USP44: variants seen among roughly 807,000 people sequenced by gnomAD.
USP44 encodes the protein ubiquitin carboxyl-terminal hydrolase 44.
A neutral mutation model predicts 69.0 loss-of-function variants in USP44; 61 were observed. The ratio of observed to expected loss-of-function variants is 0.88; its 90% CI spans 0.72 to 1.09. The LOEUF (loss-of-function observed/expected upper bound fraction) is 1.09, where lower values mean the gene tolerates loss of function less well. USP44 is among the 50% of genes least tolerant of loss of function. The pLI is 0.00. For synonymous variants in USP44, 297 were observed against 295.4 expected (o/e 1.01, Z -0.06); for missense variants, 753 against 849.9 (o/e 0.89, Z 1.42).
intron 1 of USP44, among the ~76,000 whole-genome samples, chr12:95,549,710 T>C (rs2077688001): frequency 6.6e-6 from 1 of 152,204 alleles, no homozygotes; most frequent in African/African-American, 2.4e-5. Flanking sequence ...TAAGACAAGG[T>C]ATAAAATTGT....
chr12:95,531,926 G>A (rs75135860), intron 2 of USP44, among the ~76,000 whole-genome samples: 2,411 of 152,188 alleles, frequency 0.016, 63 homozygotes, highest in African/African-American at 0.055. Flanking sequence ...CCTTTACTTC[G>A]AAGATTCTGG....
chr12:95,529,182 G>T (rs2076943934), intron 2 of USP44, among the ~76,000 whole-genome samples, 180 bp from the exon 3 acceptor site: 1 of 152,032 alleles, frequency 6.6e-6, no homozygotes, highest in Non-Finnish European at 1.5e-5. Flanking sequence ...CCTTCCAAAA[G>T]ATTGTTATCA....
At chr12:95,522,901 G>A (rs537581882) in intron 4 of USP44, among the ~76,000 whole-genome samples, 1 of 152,178 alleles carries the variant, frequency 6.6e-6, no homozygotes, top group East Asian at 1.9e-4. Flanking sequence ...ATGACTAGAG[G>A]ATTGGGACTT....
chr12:95,529,202 T>C (rs562405064), intron 2 of USP44, among the ~76,000 whole-genome samples, 200 bp from the exon 3 acceptor site: 1 of 152,202 alleles, frequency 6.6e-6, no homozygotes, highest in Non-Finnish European at 1.5e-5. Flanking sequence ...AGAGCCATCA[T>C]GAATTGGTTG....
chr12:95,530,797 T>G (rs1037102797), intron 2 of USP44, among the ~76,000 whole-genome samples: 3 of 152,110 alleles, frequency 2.0e-5, no homozygotes, highest in African/African-American at 7.2e-5. Flanking sequence ...GTCAGAAAAA[T>G]TAATTGATGA....
intron 1 of USP44, among the ~76,000 whole-genome samples, chr12:95,543,966 CAA>C (rs760105964): frequency 5.7e-3 from 273 of 47,614 alleles, no homozygotes; most frequent in African/African-American, 0.012. Flanking sequence ...GACTGCATCT[CAA>C]AAAAAAAAAA....
chr12:95,518,113 A>G lies in USP44; in HGVS notation c.*41T>C. 6.3e-7 allele frequency: 1 copy of G among 1,597,100 alleles called. No individual in the cohort carries two copies. Among genetic ancestry groups the G allele is most frequent in the Non-Finnish European group, 8.6e-7 (1 of 1,166,920 alleles). ...ATGGTACATCAGTCTTTTAAAAAGT[A>G]TATATATAAATCACAGGAAGAAAAC... On this transcript the variant is annotated 3_prime_UTR_variant, in exon 6 of 6. Coordinates refer to ENST00000258499, the MANE Select transcript of USP44 (RefSeq NM_032147.5).
In USP44 at chr12:95,533,288, A is replaced by G. The variant is rs2077084678; in HGVS notation, c.969T>C (p.His323=). 1.2e-6 allele frequency: 2 copies of G among 1,614,010 alleles called. No individual in the cohort carries two copies. Among genetic ancestry groups the G allele is most frequent in the African/African-American group, 1.3e-5 (1 of 74,918 alleles). Residue 323 remains histidine (H), a synonymous_variant, in exon 2 of 6, where the codon CAT becomes CAC. Transcript: ENST00000258499. ...TASEKTRSCK[H]PPVTDTVVYQ... ...ATACTACTGTATCTGTGACTGGTGG[A>G]TGCTTACAAGATCTTGTCTTCTCGC...
At chr12:95,549,904 C>A (rs1269988415) in intron 1 of USP44, among the ~76,000 whole-genome samples, 1 of 152,100 alleles carries the variant, frequency 6.6e-6, no homozygotes, top group African/African-American at 2.4e-5. Flanking sequence ...AGAGGCCGGG[C>A]GCAGTGGCTC....
rs568523911 is a variant in USP44, at chr12:95,548,353, C to G, written c.-71+2919G>C. 1.8e-4 allele frequency: 28 copies of G among 152,608 alleles called. No individual in the cohort carries two copies. Among genetic ancestry groups the G allele is most frequent in the African/African-American group, 6.7e-4 (28 of 41,568 alleles). The allele number at this position is 152,608 out of a possible 1,614,324, so 9.5% of individuals were successfully genotyped here. A position where few individuals can be genotyped will look rare whatever the true frequency, so the allele number is the denominator to read the frequency against. ...CAGCCCGTGCCAGCCCCGCGCCCAC[C>G]TCTCCACGACGCTCGTGCCGGGATC... On this transcript the variant is annotated intron_variant, in intron 1 of 5. Transcript: ENST00000258499. The surrounding 1 kb of genome is among the most constrained non-coding windows in gnomAD (Gnocchi z 4.1).
At chr12:95,543,439 A>AAGAAAT (rs2077460832) in intron 1 of USP44, among the ~76,000 whole-genome samples, 1 of 151,328 alleles carries the variant, frequency 6.6e-6, no homozygotes, top group African/African-American at 2.4e-5. Flanking sequence ...GAAAAAGAAA[A>AAGAAAT]AGAAAATAGT....
chr12:95,524,369 A>C (rs2076764659), intron 4 of USP44, among the ~76,000 whole-genome samples: 1 of 150,206 alleles, frequency 6.7e-6, no homozygotes, highest in African/African-American at 2.4e-5. Context: ...GGTGTGAGCC[A>C]CCTTGCCCGG....
Position 95,521,100 on chromosome 12 carries a change from G to C in USP44, c.1836C>G (p.Leu612=), listed in dbSNP as rs747772867. Residue 612 remains leucine, a synonymous_variant, in exon 5 of 6, where the codon CTC becomes CTG. Transcript: ENST00000258499. ...AGTCATAGATAAAGCATTCTGGTCT[G>C]AGGGATTTCAGGGTCTCCCTGCAGC... ...PYCCRETLKS[L]RPECFIYDLS... 3 of 1,614,158 alleles carry C rather than the reference G, an allele frequency of 1.9e-6. No individual in the cohort carries two copies. The highest frequency in any genetic ancestry group is 2.5e-6 in the Non-Finnish European group (3 of 1,180,040).
At position 95,534,228 on chromosome 12, in the gene USP44, A is replaced by G. The variant is rs1188243958; in HGVS notation, c.29T>C (p.Val10Ala). The part of the protein sequence containing the change: MLAMDTCKH[V>A]GQLQLAQDHS... ...GTCTTGAGCAAGCTGCAGCTGCCCA[A>G]CATGTTTGCACGTATCCATTGCTAG... Residue 10 changes from valine (V) to alanine (A), a missense_variant, in exon 2 of 6, where the codon GTT becomes GCT. Transcript: ENST00000258499. 5 of 1,612,648 alleles carry G rather than the reference A, an allele frequency of 3.1e-6. No homozygotes were observed. In the South Asian group the frequency reaches 5.5e-5, roughly 18 times the overall value.
At chr12:95,551,650 C>G (rs1168008812), upstream of USP44, 1 of 152,184 alleles carries the variant, frequency 6.6e-6, no homozygotes, top group African/African-American at 2.4e-5. Flanking sequence ...CTCCACAGTT[C>G]CTAGTACCGG....
chr12:95,546,248 C>T (rs1195220856), intron 1 of USP44, among the ~76,000 whole-genome samples: 1 of 152,160 alleles, frequency 6.6e-6, no homozygotes, highest in African/African-American at 2.4e-5. Context: ...AATTCAAATA[C>T]TCTGTGTGTA....
intron 1 of USP44, among the ~76,000 whole-genome samples, chr12:95,538,839 A>C (rs1024286976): frequency 2.6e-5 from 4 of 152,226 alleles, no homozygotes; most frequent in African/African-American, 9.6e-5. Context: ...GGAGGATGGG[A>C]GTATTTTCTT....
chr12:95,539,314 C>T lies in USP44; in HGVS notation c.-70-4988G>A, dbSNP rs552758603. Among the ~76,000 whole-genome samples the T allele has an allele frequency of 3.9e-5, 6 of 151,904 alleles. 1 individual carries two copies. The South Asian group carries it at 1.0e-3, about 26-fold the overall frequency. ...GATCTAGGCTCACTGCAAGCTCCGC[C>T]TCCTGGGTTCACACCATTCTCCTGC... is the stretch of plus-strand genomic sequence containing the variant. On this transcript the variant is annotated intron_variant, in intron 1 of 5. Coordinates refer to ENST00000258499, the MANE Select transcript of USP44 (RefSeq NM_032147.5).
chr12:95,533,033 T>G lies in USP44; in HGVS notation c.1224A>C (p.Ser408=), dbSNP rs2077072233. Residue 408 remains serine (S), a synonymous_variant, in exon 2 of 6, where the codon TCA becomes TCC. Coordinates refer to ENST00000258499, the MANE Select transcript of USP44 (RefSeq NM_032147.5). ...GAAAGGCAGGAATGAGTCTCCACAC[T>G]GAGTGTAGCATAGCAAATGGTGAGA... ...ALVSPFAMLH[S]VWRLIPAFRG... is the part of the protein sequence containing the mutation. The G allele has an allele frequency of 6.2e-7, 1 of 1,614,110 alleles. No homozygotes were observed. Among genetic ancestry groups the G allele is most frequent in the Non-Finnish European group, 8.5e-7 (1 of 1,180,046 alleles).
Sources: gnomAD v4.1 joint callset for allele counts (sites outside exome capture counted in the v4.1 genomes callset) on GRCh38, gnomAD v4.1.1 for gene constraint, Gnocchi (gnomAD v3.1) non-coding constraint, MANE v1.5 for transcripts, NCBI Gene and HGNC (gene_info 2026-07-23, HGNC 2026-07-21) for gene names.